NR6A1: variants seen among roughly 807,000 people sequenced by gnomAD.
NR6A1 encodes the protein nuclear receptor subfamily 6 group A member 1.
Under a neutral mutation model 59.1 loss-of-function variants are expected in NR6A1, and 7 were observed. The observed-to-expected ratio is 0.12, with a 90% CI of 0.07 to 0.22. The LOEUF is 0.22. Among genes scored for constraint, NR6A1 ranks in the 10% least tolerant of loss-of-function variants. The pLI, the probability that NR6A1 is intolerant of heterozygous loss-of-function variation, is 1.00. For missense variants in NR6A1, 468 were observed against 611.6 expected, an observed-to-expected ratio of 0.77 and a Z score of 2.48; for synonymous variants, 243 against 236.1, an observed-to-expected ratio of 1.03 and a Z score of -0.27.
In NR6A1 at chr9:124,524,822, T is replaced by C. The variant is rs1369740362; in HGVS notation, c.1253A>G (p.Tyr418Cys). Residue 418 changes from tyrosine (Y) to cysteine (C), a missense_variant, in exon 9 of 10, where the codon TAC becomes TGC. Tyr to Cys is a radical substitution (Grantham distance 194). This residue lies in a region of NR6A1 where 176 missense variants were observed against 264.0 expected (regional missense o/e 0.67). Coordinates refer to ENST00000487099, the MANE Select transcript of NR6A1 (RefSeq NM_033334.4). ...AGTAAAATCCTGGCAAATGTACCAG[T>C]ATCGTTTATTCAATTGTTCCAGCTG... ...ASQLEQLNKR[Y>C]WYICQDFTEY... 1 of 1,613,700 alleles carries C rather than the reference T, an allele frequency of 6.2e-7. No individual in the cohort carries two copies. Among genetic ancestry groups the C allele is most frequent in the Non-Finnish European group, 8.5e-7 (1 of 1,179,928 alleles).
chr9:124,565,008 G>A (rs1340502523), intron 2 of NR6A1, among the ~76,000 whole-genome samples: 1 of 151,894 alleles, frequency 6.6e-6, no homozygotes, highest in Non-Finnish European at 1.5e-5. Context: ...ATATCTATAT[G>A]GGAAAAAAAT....
chr9:124,686,345 T>C (rs1838329123), intron 2 of NR6A1, among the ~76,000 whole-genome samples: 1 of 152,236 alleles, frequency 6.6e-6, no homozygotes, highest in South Asian at 2.1e-4. Context: ...AACACACGCC[T>C]ATTGGCTTTA....
chr9:124,658,704 T>C (rs1367488986), intron 2 of NR6A1: 1 of 152,214 alleles, frequency 6.6e-6, no homozygotes, highest in Non-Finnish European at 1.5e-5. Flanking sequence ...TAAAAAGTCT[T>C]ACGTAACAGT....
intron 2 of NR6A1, chr9:124,599,572 AGCCGCCATGAGGGCGCGG>A: frequency 9.9e-7 from 1 of 1,011,192 alleles, no homozygotes; most frequent in Non-Finnish European, 1.3e-6. Context: ...TGTCCGTGGC[AGCCGCCATGAGGGCGCGG>A]CGGCGGCGGC....
chr9:124,698,856 T>C (rs1481864174), intron 2 of NR6A1, among the ~76,000 whole-genome samples: 1 of 152,144 alleles, frequency 6.6e-6, no homozygotes, highest in Non-Finnish European at 1.5e-5. Context: ...GAACTTACAC[T>C]GTAGCCCAAC....
intron 2 of NR6A1, among the ~76,000 whole-genome samples, chr9:124,662,934 C>T (rs1837490659): frequency 1.3e-5 from 2 of 152,142 alleles, no homozygotes; most frequent in Non-Finnish European, 2.9e-5. Context: ...TACTGGGAAG[C>T]TGATATCTGT....
chr9:124,534,781 G>T (rs1057134877), intron 7 of NR6A1, among the ~76,000 whole-genome samples: 1 of 152,134 alleles, frequency 6.6e-6, no homozygotes, highest in African/African-American at 2.4e-5. Context: ...CTATAAAATA[G>T]GCACAACACC....
chr9:124,616,556 A>G (rs1835900423), intron 2 of NR6A1, among the ~76,000 whole-genome samples: 1 of 152,132 alleles, frequency 6.6e-6, no homozygotes, highest in African/African-American at 2.4e-5. Flanking sequence ...TCAGATCTGC[A>G]TCTATATAAA....
chr9:124,525,234 G>A (rs1260790263), intron 8 of NR6A1, among the ~76,000 whole-genome samples: 7 of 149,268 alleles, frequency 4.7e-5, no homozygotes, highest in Non-Finnish European at 1.0e-4. Context: ...TTTGCCCTTC[G>A]CTGGAACCAA....
intron 1 of NR6A1, among the ~76,000 whole-genome samples, chr9:124,739,518 G>A (rs1415566394): frequency 1.3e-5 from 2 of 152,280 alleles, no homozygotes; most frequent in East Asian, 1.9e-4. Flanking sequence ...GCAGTGGCAC[G>A]ATCATGGCTC....
At chr9:124,588,417 C>T (rs1834997141) in intron 2 of NR6A1, among the ~76,000 whole-genome samples, 2 of 151,882 alleles carry the variant, frequency 1.3e-5, no homozygotes, top group African/African-American at 4.8e-5. Context: ...ACGCCATTCT[C>T]CTGCCTCAGC....
Position 124,676,984 on chromosome 9 carries a change from A to G in NR6A1, c.142+56324T>C, listed in dbSNP as rs553827484. Among the ~76,000 whole-genome samples the G allele has an allele frequency of 2.0e-5, 3 of 152,322 alleles. No individual in the cohort carries two copies. The East Asian group carries it at 5.8e-4, about 29-fold the overall frequency. On this transcript the variant is annotated intron_variant, in intron 2 of 9. Transcript: ENST00000487099. ...TACACATAAGCTAGTTTCAAGATCA[A>G]AACTGCGTTTGTCCCTTTCAACAAC...
chr9:124,524,716 G>A lies in NR6A1; in HGVS notation c.1354+5C>T, dbSNP rs758959795. ...GGGTTGGGAGCCCAAGACCCAGAATGTTACCTGCAATATATCGAATCTCAG... is the reference window on the plus strand; with the variant it reads ...GGGTTGGGAGCCCAAGACCCAGAATATTACCTGCAATATATCGAATCTCAG... On this transcript the variant is annotated splice_donor_5th_base_variant and intron_variant, in intron 9 of 9. Coordinates refer to ENST00000487099, the MANE Select transcript of NR6A1 (RefSeq NM_033334.4). The A allele has an allele frequency of 6.2e-6, 10 of 1,613,122 alleles. No individual in the cohort carries two copies. Among genetic ancestry groups the A allele is most frequent in the Non-Finnish European group, 7.6e-6 (9 of 1,179,564 alleles).
intron 5 of NR6A1, among the ~76,000 whole-genome samples, chr9:124,538,996 C>T (rs1285391327): frequency 6.6e-6 from 1 of 151,348 alleles, no homozygotes; most frequent in Non-Finnish European, 1.5e-5. Context: ...TCACTTAAGG[C>T]TAGGAATTTG....
At chr9:124,585,566 G>C (rs1374013445) in intron 2 of NR6A1, among the ~76,000 whole-genome samples, 3 of 135,408 alleles carry the variant, frequency 2.2e-5, no homozygotes, top group Non-Finnish European at 4.8e-5. Flanking sequence ...AAAGGGGGGG[G>C]GGGGCAAGGT....
intron 2 of NR6A1, among the ~76,000 whole-genome samples, chr9:124,607,687 A>G (rs562764353): frequency 6.6e-6 from 1 of 152,306 alleles, no homozygotes; most frequent in Admixed American, 6.5e-5. Context: ...GTTCAACACA[A>G]TGCCTGGCAA....
chr9:124,686,552 G>GT (rs1166270375), intron 2 of NR6A1, among the ~76,000 whole-genome samples: 8 of 151,876 alleles, frequency 5.3e-5, no homozygotes, highest in Non-Finnish European at 1.2e-4. Context: ...ACTCAGAAGA[G>GT]TTTTTCACTG....
intron 2 of NR6A1, among the ~76,000 whole-genome samples, chr9:124,647,795 G>A (rs1836980653): frequency 6.6e-6 from 1 of 150,676 alleles, no homozygotes; most frequent in African/African-American, 2.4e-5. Flanking sequence ...GAACAATAAT[G>A]AGTAGCAAGA....
At chr9:124,671,544 G>T (rs1218431959) in intron 2 of NR6A1, among the ~76,000 whole-genome samples, 1 of 152,074 alleles carries the variant, frequency 6.6e-6, no homozygotes, top group East Asian at 1.9e-4. Flanking sequence ...TCAAATATAA[G>T]AAGTATTATA....
Sources: allele counts gnomAD v4.1 joint callset (sites outside exome capture counted in the v4.1 genomes callset), GRCh38; gene constraint gnomAD v4.1.1; regional missense constraint gnomAD v4.1.1; transcripts MANE v1.5; gene names NCBI Gene and HGNC (gene_info 2026-07-23, HGNC 2026-07-21).